Variants in RNF224 observed in about 807,000 individuals in gnomAD.
The protein encoded by RNF224 is ring finger protein 224.
RNF224 carries 1 observed loss-of-function variant against 2.9 expected under a neutral mutation model. That is an observed-to-expected ratio of 0.35 (90% CI 0.12 to 1.66). RNF224 has a LOEUF of 1.66. RNF224 is among the 40% of genes most tolerant of loss of function. The probability of loss-of-function intolerance (pLI) is 0.35; values close to 1 mark genes in which losing one functional copy is unlikely to be tolerated. For synonymous variants in RNF224, 116 were observed against 97.6 expected (o/e 1.19, Z -1.11); for missense variants, 254 against 221.8 (o/e 1.15, Z -0.92).
chr9:137,228,506 C>T (rs776295008), intron 2 of RNF224, 116 bp from the exon 3 acceptor site: 50 of 1,082,356 alleles, frequency 4.6e-5, no homozygotes, highest in African/African-American at 2.9e-4. Context: ...CAGGTCTGCA[C>T]GCACCACCCC....
chr9:137,228,373 G>A (rs1295871965), intron 2 of RNF224, 32 bp downstream of exon 2: 2 of 1,453,382 alleles, frequency 1.4e-6, no homozygotes, highest in Non-Finnish European at 9.0e-7. Context: ...CGGCCAGGAG[G>A]GTGGGGGCCT....
At chr9:137,228,574 C>A in intron 2 of RNF224, 48 bp from the exon 3 acceptor site, 1 of 1,370,732 alleles carries the variant, frequency 7.3e-7, no homozygotes. Flanking sequence ...CCCATCCAGG[C>A]GGAAGGTCCT....
intron 2 of RNF224, 29 bp downstream of exon 2, chr9:137,228,370 G>A: frequency 1.4e-6 from 2 of 1,455,970 alleles, no homozygotes; most frequent in African/African-American, 2.8e-5. Context: ...GGTCGGCCAG[G>A]AGGGTGGGGG....
At position 137,228,302 on chromosome 9, in the gene RNF224, C is replaced by G. The variant is rs1836028411; in HGVS notation, c.-34C>G. On this transcript the variant is annotated 5_prime_UTR_variant, in exon 2 of 3. Coordinates refer to ENST00000445101, the MANE Select transcript of RNF224 (RefSeq NM_001190228.2). ...GGTCCCCCACTCCCTTCTCCGGCCA[C>G]CCCGTGGCTGTGCATAGCTGCCCAG... is the stretch of plus-strand genomic sequence containing the variant. 1 of 1,528,938 alleles carries G rather than the reference C, an allele frequency of 6.5e-7. No homozygotes were observed. Among genetic ancestry groups the G allele is most frequent in the Admixed American group, 2.0e-5 (1 of 50,108 alleles). The allele number at this position is 1,528,938 out of a possible 1,614,324, so 94.7% of individuals were successfully genotyped here.
rs1229063218 is a variant in RNF224 at position 137,228,949 on chromosome 9, A to G, written c.334A>G (p.Lys112Glu). 3 of 1,535,656 alleles carry G rather than the reference A, an allele frequency of 2.0e-6. No individual in the cohort carries two copies. Among genetic ancestry groups the G allele is most frequent in the Middle Eastern group, 1.7e-4 (1 of 5,990 alleles). Residue 112 changes from lysine (K) to glutamate (E), a missense_variant, in exon 3 of 3, where the codon AAA becomes GAA. Physicochemically the swap from Lys to Glu is moderately conservative, Grantham distance 56. Coordinates refer to ENST00000445101, the MANE Select transcript of RNF224 (RefSeq NM_001190228.2). ...RLEPLPLTSLKGSAITRQPAG... is the reference protein window; with the variant it reads ...RLEPLPLTSLEGSAITRQPAG... ...AGAACCCCTGCCCCTCACCTCCCTC[A>G]AAGGCAGCGCCATCACTCGGCAGCC... is the stretch of plus-strand genomic sequence containing the variant.
At position 137,228,207 on chromosome 9, in the gene RNF224, C is replaced by T; in HGVS notation, c.-129C>T. On this transcript the variant is annotated 5_prime_UTR_variant, in exon 2 of 3. Coordinates refer to ENST00000445101, the MANE Select transcript of RNF224 (RefSeq NM_001190228.2). ...GGAGCCCACGCCCGCCACAGCTGGC[C>T]ACCTGCCTCTCTCCTGACTCCCGTG... 1 of 865,380 alleles carries T rather than the reference C, an allele frequency of 1.2e-6. No individual in the cohort carries two copies. The highest frequency in any genetic ancestry group is 2.9e-5 in the East Asian group (1 of 34,168). 53.6% of individuals were successfully genotyped at this position (865,380 alleles called of 1,614,324 possible).
Position 137,228,910 on chromosome 9 carries a change from G to C in RNF224, c.295G>C (p.Glu99Gln). Residue 99 changes from glutamate (E) to glutamine (Q), a missense_variant, in exon 3 of 3, where the codon GAG becomes CAG. Coordinates refer to ENST00000445101, the MANE Select transcript of RNF224 (RefSeq NM_001190228.2). ...AAFLAVKAER[E>Q]PARLEPLPLT... ...TTTCCTGGCGGTCAAGGCTGAGCGG[G>C]AGCCGGCAAGACTAGAACCCCTGCC... is the stretch of plus-strand genomic sequence containing the variant. 1 of 1,535,748 alleles carries C rather than the reference G, an allele frequency of 6.5e-7. No homozygotes were observed. Among genetic ancestry groups the C allele is most frequent in the Non-Finnish European group, 8.7e-7 (1 of 1,146,816 alleles).
Position 137,229,362 on chromosome 9 carries a change from G to A in RNF224, c.*276G>A, listed in dbSNP as rs549754410. 2 of 516,210 alleles carry A rather than the reference G, an allele frequency of 3.9e-6. No individual in the cohort carries two copies. Among genetic ancestry groups the A allele is most frequent in the Non-Finnish European group, 7.0e-6 (2 of 285,516 alleles). 32.0% of individuals were successfully genotyped at this position (516,210 alleles called of 1,614,324 possible). On this transcript the variant is annotated 3_prime_UTR_variant, in exon 3 of 3. Transcript: ENST00000445101. ...AGCCCGACCGGATGTGCCTGGTGAG[G>A]ACACTGCTGTCTGAGTGGGCGGCAA...
chr9:137,229,363 A>G lies in RNF224; in HGVS notation c.*277A>G. 1.9e-6 allele frequency: 1 copy of G among 513,668 alleles called. No individual in the cohort carries two copies. Among genetic ancestry groups the G allele is most frequent in the Non-Finnish European group, 3.5e-6 (1 of 284,006 alleles). 31.8% of individuals were successfully genotyped at this position (513,668 alleles called of 1,614,324 possible). The stretch of plus-strand genomic sequence containing the variant: ...GCCCGACCGGATGTGCCTGGTGAGG[A>G]CACTGCTGTCTGAGTGGGCGGCAAG... On this transcript the variant is annotated 3_prime_UTR_variant, in exon 3 of 3. Coordinates refer to ENST00000445101, the MANE Select transcript of RNF224 (RefSeq NM_001190228.2).
chr9:137,228,684 C>T lies in RNF224; in HGVS notation c.69C>T (p.Asp23=), dbSNP rs1190378079. ...GGGGGCCCCCGGAGGAGAGGACAGA[C>T]TGCATCATCTGCTGCTCGGCCTATG... ...GGGGPPEERT[D]CIICCSAYDL... The change falls in exon 3 of 3, where the codon GAC becomes GAT. Residue 23 remains aspartate, a synonymous_variant. Transcript: ENST00000445101. 1.9e-5 allele frequency: 28 copies of T among 1,504,260 alleles called. No individual in the cohort carries two copies. The highest frequency in any genetic ancestry group is 2.4e-5 in the Non-Finnish European group (27 of 1,127,704). The allele number at this position is 1,504,260 out of a possible 1,614,324, so 93.2% of individuals were successfully genotyped here. A position where few individuals can be genotyped will look rare whatever the true frequency, so the allele number is the denominator to read the frequency against.
In RNF224 at chr9:137,229,338, G is replaced by T; in HGVS notation, c.*252G>T. The T allele has an allele frequency of 7.2e-6, 4 of 556,070 alleles. No individual in the cohort carries two copies. The highest frequency in any genetic ancestry group is 1.3e-5 in the Non-Finnish European group (4 of 309,720). The allele number at this position is 556,070 out of a possible 1,614,324, so 34.4% of individuals were successfully genotyped here. On this transcript the variant is annotated 3_prime_UTR_variant, in exon 3 of 3. Coordinates refer to ENST00000445101, the MANE Select transcript of RNF224 (RefSeq NM_001190228.2). ...GCCACAATTACCAGACCCCAGACTA[G>T]CCCGACCGGATGTGCCTGGTGAGGA...
Position 137,228,314 on chromosome 9 carries a change from G to A in RNF224, c.-22G>A, listed in dbSNP as rs1171831298. On this transcript the variant is annotated 5_prime_UTR_variant, in exon 2 of 3. Transcript: ENST00000445101. ...CCTTCTCCGGCCACCCCGTGGCTGT[G>A]CATAGCTGCCCAGCAGAGCCCATGC... 4 of 1,527,586 alleles carry A rather than the reference G, an allele frequency of 2.6e-6. No homozygotes were observed. The highest frequency in any genetic ancestry group is 3.5e-6 in the Non-Finnish European group (4 of 1,143,082). The allele number at this position is 1,527,586 out of a possible 1,614,324, so 94.6% of individuals were successfully genotyped here.
Position 137,229,141 on chromosome 9 carries a change from A to G in RNF224, c.*55A>G. On this transcript the variant is annotated 3_prime_UTR_variant, in exon 3 of 3. Transcript: ENST00000445101. ...AATGCCTGCCTTGGAACCCCTGACC[A>G]CACACCATCATGGGTTCAGCCCACT... is the stretch of plus-strand genomic sequence containing the variant. The G allele has an allele frequency of 9.6e-7, 1 of 1,045,126 alleles. No individual in the cohort carries two copies. Among genetic ancestry groups the G allele is most frequent in the Non-Finnish European group, 1.4e-6 (1 of 715,528 alleles). 64.7% of individuals were successfully genotyped at this position (1,045,126 alleles called of 1,614,324 possible). A position where few individuals can be genotyped will look rare whatever the true frequency, so the allele number is the denominator to read the frequency against.
chr9:137,228,216 C>A lies in RNF224; in HGVS notation c.-120C>A. On this transcript the variant is annotated 5_prime_UTR_variant, in exon 2 of 3. Coordinates refer to ENST00000445101, the MANE Select transcript of RNF224 (RefSeq NM_001190228.2). ...GCCCGCCACAGCTGGCCACCTGCCTCTCTCCTGACTCCCGTGCAAGGCCAG... is the reference window on the plus strand; with the variant it reads ...GCCCGCCACAGCTGGCCACCTGCCTATCTCCTGACTCCCGTGCAAGGCCAG... The A allele has an allele frequency of 1.0e-6, 1 of 982,834 alleles. No homozygotes were observed. Among genetic ancestry groups the A allele is most frequent in the Non-Finnish European group, 1.5e-6 (1 of 667,912 alleles). The allele number at this position is 982,834 out of a possible 1,614,324, so 60.9% of individuals were successfully genotyped here. A position where few individuals can be genotyped will look rare whatever the true frequency, so the allele number is the denominator to read the frequency against.
At position 137,228,308 on chromosome 9, in the gene RNF224, G is replaced by C; in HGVS notation, c.-28G>C. 6.5e-7 allele frequency: 1 copy of C among 1,528,496 alleles called. No homozygotes were observed. Among genetic ancestry groups the C allele is most frequent in the Non-Finnish European group, 8.7e-7 (1 of 1,143,606 alleles). The allele number at this position is 1,528,496 out of a possible 1,614,324, so 94.7% of individuals were successfully genotyped here. Reference sequence around the variant, plus strand: ...CCACTCCCTTCTCCGGCCACCCCGTGGCTGTGCATAGCTGCCCAGCAGAGC... The same window carrying C: ...CCACTCCCTTCTCCGGCCACCCCGTCGCTGTGCATAGCTGCCCAGCAGAGC... On this transcript the variant is annotated 5_prime_UTR_variant, in exon 2 of 3. Coordinates refer to ENST00000445101, the MANE Select transcript of RNF224 (RefSeq NM_001190228.2).
In RNF224 at chr9:137,229,236, G is replaced by C. The variant is rs946431022; in HGVS notation, c.*150G>C. On this transcript the variant is annotated 3_prime_UTR_variant, in exon 3 of 3. Coordinates refer to ENST00000445101, the MANE Select transcript of RNF224 (RefSeq NM_001190228.2). Reference sequence around the variant, plus strand: ...CCAGCAGGGTGGTGTCATCCCAGCCGTGAACATCCCAGGCCACAGCCTAAG... The same window carrying C: ...CCAGCAGGGTGGTGTCATCCCAGCCCTGAACATCCCAGGCCACAGCCTAAG... The C allele has an allele frequency of 1.6e-6, 1 of 609,360 alleles. No homozygotes were observed. Among genetic ancestry groups the C allele is most frequent in the African/African-American group, 1.8e-5 (1 of 54,072 alleles). 37.7% of individuals were successfully genotyped at this position (609,360 alleles called of 1,614,324 possible).
chr9:137,229,257 C>G lies in RNF224; in HGVS notation c.*171C>G. ...AGCCGTGAACATCCCAGGCCACAGC[C>G]TAAGGTTGGGGGCTGGGAGGCTCCG... On this transcript the variant is annotated 3_prime_UTR_variant, in exon 3 of 3. Transcript: ENST00000445101. The G allele has an allele frequency of 3.3e-6, 2 of 599,530 alleles. No homozygotes were observed. The highest frequency in any genetic ancestry group is 2.0e-5 in the South Asian group (1 of 50,248). 37.1% of individuals were successfully genotyped at this position (599,530 alleles called of 1,614,324 possible). A position where few individuals can be genotyped will look rare whatever the true frequency, so the allele number is the denominator to read the frequency against.
At chr9:137,228,403 G>A in intron 2 of RNF224, 62 bp downstream of exon 2, 9 of 1,410,656 alleles carry the variant, frequency 6.4e-6, no homozygotes, top group Non-Finnish European at 8.4e-6. Context: ...CCAGGGTGGT[G>A]CTGCGGGAAC....
rs984428759 is a variant in RNF224, at chr9:137,228,643, C to T, written c.28C>T (p.Pro10Ser). The stretch of plus-strand genomic sequence containing the variant: ...GCAGGATGCTGCAGCCGGAGGGCCC[C>T]CAGGCCTCGGAGGAGGGGGGCCCCC... Reference protein sequence around the residue: MQDAAAGGPPGLGGGGPPEE... With the variant: MQDAAAGGPSGLGGGGPPEE... The change falls in exon 3 of 3, where the codon CCA becomes TCA. Residue 10 changes from proline (P) to serine (S), a missense_variant. Pro to Ser is a moderately conservative substitution (Grantham distance 74). Coordinates refer to ENST00000445101, the MANE Select transcript of RNF224 (RefSeq NM_001190228.2). 4.8e-6 allele frequency: 7 copies of T among 1,448,178 alleles called. No individual in the cohort carries two copies. The Admixed American group carries it at 7.7e-5, about 16-fold the overall frequency. The allele number at this position is 1,448,178 out of a possible 1,614,324, so 89.7% of individuals were successfully genotyped here. A position where few individuals can be genotyped will look rare whatever the true frequency, so the allele number is the denominator to read the frequency against.
Sources: allele counts gnomAD v4.1 joint callset, GRCh38; gene constraint gnomAD v4.1.1; transcripts MANE v1.5; gene names NCBI Gene and HGNC (gene_info 2026-07-23, HGNC 2026-07-21).